The following CDH12 variants were observed in gnomAD, a reference collection of about 807,000 sequenced individuals.
CDH12 encodes the protein cadherin 12, also known as cadherin-12.
Under a neutral mutation model 74.1 loss-of-function variants are expected in CDH12, and 41 were observed. The observed-to-expected ratio is 0.55, with a 90% CI of 0.43 to 0.72. CDH12 has a LOEUF of 0.72. CDH12 is among the 30% of genes least tolerant of loss of function. The pLI is 0.00. For missense variants in CDH12, 945 were observed against 977.2 expected (o/e 0.97, Z 0.44); for synonymous variants, 399 against 355.0 (o/e 1.12, Z -1.39).
intron 4 of CDH12, among the ~76,000 whole-genome samples, chr5:22,109,572 G>A (rs944017948): frequency 2.6e-5 from 4 of 152,164 alleles, no homozygotes; most frequent in African/African-American, 9.7e-5. Flanking sequence ...AACCCAGCAT[G>A]CTAAGCTGTT....
At chr5:22,462,216 A>G (rs1179229845) in intron 2 of CDH12, among the ~76,000 whole-genome samples, 1 of 152,216 alleles carries the variant, frequency 6.6e-6, no homozygotes, top group African/African-American at 2.4e-5. Flanking sequence ...TATACAGCTT[A>G]GTTAAAGGCA....
At chr5:22,476,384 T>C (rs1051272635) in intron 2 of CDH12, among the ~76,000 whole-genome samples, 1 of 152,106 alleles carries the variant, frequency 6.6e-6, no homozygotes, top group Non-Finnish European at 1.5e-5. Context: ...AATAGTACAA[T>C]TAAATTGATG....
At position 22,334,452 on chromosome 5, in the gene CDH12, T is replaced by G. The variant is rs978277619; in HGVS notation, c.-333+70805A>C. On this transcript the variant is annotated intron_variant, in intron 3 of 14. Coordinates refer to ENST00000382254, the MANE Select transcript of CDH12 (RefSeq NM_004061.5). ...TACCCAAAGCAATCTACAGATTCAA[T>G]GCAATCCCTATGAAAATACCAATGA... Among the ~76,000 whole-genome samples the G allele has an allele frequency of 5.9e-5, 9 of 152,208 alleles. No homozygotes were observed. In the South Asian group the frequency reaches 1.2e-3, roughly 21 times the overall value.
At chr5:22,571,217 G>A (rs924999483) in intron 1 of CDH12, among the ~76,000 whole-genome samples, 5 of 151,912 alleles carry the variant, frequency 3.3e-5, no homozygotes, top group African/African-American at 9.7e-5. Context: ...AATTTCCTCC[G>A]AGAACTTTTC....
chr5:22,270,439 C>A (rs1736341965), intron 3 of CDH12, among the ~76,000 whole-genome samples: 1 of 151,488 alleles, frequency 6.6e-6, no homozygotes, highest in Admixed American at 6.6e-5. Flanking sequence ...ACTAAAAATA[C>A]AAAAAATTAG....
intron 4 of CDH12, among the ~76,000 whole-genome samples, chr5:22,209,613 G>T (rs1751416345): frequency 6.7e-6 from 1 of 150,184 alleles, no homozygotes; most frequent in African/African-American, 2.5e-5. Flanking sequence ...ACAGTAGAGT[G>T]TTTTTTCTGT....
At chr5:22,329,337 A>G (rs1739251923) in intron 3 of CDH12, among the ~76,000 whole-genome samples, 3 of 152,338 alleles carry the variant, frequency 2.0e-5, no homozygotes, top group African/African-American at 7.2e-5. Context: ...TTGAGAAGGA[A>G]ACAAGAAAGT....
At chr5:22,077,104 A>T (rs1313138180) in intron 5 of CDH12, among the ~76,000 whole-genome samples, 1 of 151,682 alleles carries the variant, frequency 6.6e-6, no homozygotes, top group Admixed American at 6.6e-5. Flanking sequence ...AAGATCACTG[A>T]GACTGGATGA....
intron 1 of CDH12, among the ~76,000 whole-genome samples, chr5:22,842,378 T>C (rs1737117073): frequency 6.6e-6 from 1 of 151,888 alleles, no homozygotes; most frequent in African/African-American, 2.4e-5. Flanking sequence ...TGACAGTAGG[T>C]TGTAGTGTCT....
At chr5:22,095,351 G>A (rs183503109) in intron 4 of CDH12, among the ~76,000 whole-genome samples, 1 of 152,110 alleles carries the variant, frequency 6.6e-6, no homozygotes, top group East Asian at 1.9e-4. Flanking sequence ...AAGGAGACAC[G>A]TTTTATCTGT....
At position 21,825,559 on chromosome 5, in the gene CDH12, T is replaced by C. The variant is rs1285328624; in HGVS notation, c.815-8427A>G. Among the ~76,000 whole-genome samples the C allele has an allele frequency of 2.6e-5, 4 of 152,178 alleles. No homozygotes were observed. In the South Asian group the frequency reaches 6.2e-4, roughly 24 times the overall value. ...CTGATTCTAGTTACCCCCATCATTTTCTTTTCCCTTTCCAACAGAACTTTT... is the reference window on the plus strand; with the variant it reads ...CTGATTCTAGTTACCCCCATCATTTCCTTTTCCCTTTCCAACAGAACTTTT... On this transcript the variant is annotated intron_variant, in intron 8 of 14. Transcript: ENST00000382254.
chr5:22,347,114 T>C (rs969044389), intron 3 of CDH12, among the ~76,000 whole-genome samples: 2 of 152,216 alleles, frequency 1.3e-5, no homozygotes, highest in African/African-American at 4.8e-5. Context: ...TCAGTATTTA[T>C]TGCTGTGACA....
intron 6 of CDH12, among the ~76,000 whole-genome samples, chr5:21,904,831 GA>G (rs1753563472): frequency 6.6e-6 from 1 of 151,860 alleles, no homozygotes; most frequent in African/African-American, 2.4e-5. Context: ...AAAGGAAAAG[GA>G]AAAACAGACT....
intron 4 of CDH12, among the ~76,000 whole-genome samples, chr5:22,116,773 C>T (rs1745139304): frequency 6.6e-6 from 1 of 151,546 alleles, no homozygotes; most frequent in South Asian, 2.1e-4. Flanking sequence ...TAAGCCACTA[C>T]ATTGGTGATC....
intron 3 of CDH12, among the ~76,000 whole-genome samples, chr5:22,345,558 TA>T: frequency 6.6e-6 from 1 of 152,340 alleles, no homozygotes; most frequent in Admixed American, 6.5e-5. Flanking sequence ...ATATATTTAT[TA>T]ACCTATTAGT....
chr5:22,685,129 C>T (rs1478631880), intron 1 of CDH12, among the ~76,000 whole-genome samples: 2 of 152,244 alleles, frequency 1.3e-5, no homozygotes, highest in African/African-American at 4.8e-5. Flanking sequence ...AGATACAATT[C>T]ATATATCATT....
At chr5:22,238,088 G>A (rs1382667779) in intron 3 of CDH12, among the ~76,000 whole-genome samples, 1 of 152,158 alleles carries the variant, frequency 6.6e-6, no homozygotes, top group African/African-American at 2.4e-5. Flanking sequence ...GATTGACCCT[G>A]TTCTGAATGC....
At chr5:22,536,181 T>C (rs1044301579) in intron 1 of CDH12, among the ~76,000 whole-genome samples, 1 of 152,318 alleles carries the variant, frequency 6.6e-6, no homozygotes, top group South Asian at 2.1e-4. Flanking sequence ...AAGTAGCAAG[T>C]GTGCTTTGGG....
intron 1 of CDH12, among the ~76,000 whole-genome samples, chr5:22,677,352 C>G (rs1487408): frequency 6.6e-6 from 1 of 152,116 alleles, no homozygotes; most frequent in South Asian, 2.1e-4. Context: ...AGTCAACAGA[C>G]GTCTTGATTT....
Sources: allele counts gnomAD v4.1 joint callset (sites outside exome capture counted in the v4.1 genomes callset), GRCh38; gene constraint gnomAD v4.1.1; transcripts MANE v1.5; gene names NCBI Gene and HGNC (gene_info 2026-07-23, HGNC 2026-07-21).